Variants in GOLM2 observed in about 807,000 individuals in gnomAD.
The protein encoded by GOLM2 is protein GOLM2.
GOLM2 carries 26 observed loss-of-function variants against 55.9 expected under a neutral mutation model. That is an observed-to-expected ratio of 0.47 (90% CI 0.34 to 0.65). The LOEUF (loss-of-function observed/expected upper bound fraction) is 0.65, where lower values mean the gene tolerates loss of function less well. Among genes scored for constraint, GOLM2 ranks in the 30% least tolerant of loss-of-function variants. The pLI is 0.01. For synonymous variants in GOLM2, 165 were observed against 194.6 expected, an observed-to-expected ratio of 0.85 and a Z score of 1.27; for missense variants, 486 against 531.8, an observed-to-expected ratio of 0.91 and a Z score of 0.85.
intron 4 of GOLM2, among the ~76,000 whole-genome samples, chr15:44,336,809 G>A (rs7177477): frequency 0.13 from 19,181 of 151,934 alleles, 1,533 homozygotes; most frequent in East Asian, 0.29. Context: ...CCAGTTACTC[G>A]GGAGGCTAAG....
chr15:44,340,835 C>T (rs1279897086), intron 6 of GOLM2, among the ~76,000 whole-genome samples: 1 of 152,146 alleles, frequency 6.6e-6, no homozygotes, highest in Non-Finnish European at 1.5e-5. Context: ...GTCCTAGGCA[C>T]AGTTGAGTTT....
intron 6 of GOLM2, among the ~76,000 whole-genome samples, chr15:44,367,537 T>G (rs938586318): frequency 1.3e-5 from 2 of 152,184 alleles, no homozygotes; most frequent in Admixed American, 1.3e-4. Flanking sequence ...GGCTCATGCC[T>G]GTAATCCCAG....
chr15:44,364,423 C>T (rs1275563001), intron 6 of GOLM2, among the ~76,000 whole-genome samples: 2 of 152,114 alleles, frequency 1.3e-5, no homozygotes, highest in African/African-American at 2.4e-5. Flanking sequence ...GTAATCCCAG[C>T]ACTTTGGGAG....
chr15:44,330,120 C>T (rs1234372240), intron 3 of GOLM2, among the ~76,000 whole-genome samples: 3 of 148,092 alleles, frequency 2.0e-5, no homozygotes, highest in Non-Finnish European at 4.5e-5. Flanking sequence ...CCGTATTAGC[C>T]AGGATGGTCT....
intron 9 of GOLM2, among the ~76,000 whole-genome samples, chr15:44,410,833 G>A (rs1256842886): frequency 6.8e-6 from 1 of 146,650 alleles, no homozygotes; most frequent in Non-Finnish European, 1.5e-5. Context: ...GCCCTGGGAA[G>A]TTGAGGCTGC....
At chr15:44,377,241 G>C (rs1424604922) in intron 6 of GOLM2, among the ~76,000 whole-genome samples, 1 of 152,122 alleles carries the variant, frequency 6.6e-6, no homozygotes, top group Non-Finnish European at 1.5e-5. Flanking sequence ...GTGTAGTAGT[G>C]CAAGCCTGTG....
intron 6 of GOLM2, among the ~76,000 whole-genome samples, chr15:44,374,095 A>C (rs1211585759): frequency 6.6e-6 from 1 of 152,070 alleles, no homozygotes. Context: ...AGCAAGACTC[A>C]GTCTCAAAAA....
intron 8 of GOLM2, among the ~76,000 whole-genome samples, chr15:44,390,951 A>G (rs2079483976): frequency 1.3e-5 from 2 of 152,168 alleles, no homozygotes; most frequent in Admixed American, 6.6e-5. Context: ...ATCTCTTAAT[A>G]TCACCACAGT....
intron 6 of GOLM2, among the ~76,000 whole-genome samples, chr15:44,373,013 TC>T (rs1198549469): frequency 6.6e-6 from 1 of 152,184 alleles, no homozygotes; most frequent in Non-Finnish European, 1.5e-5. Flanking sequence ...CTATCACATC[TC>T]CCTGTTTTAA....
intron 1 of GOLM2, among the ~76,000 whole-genome samples, chr15:44,316,138 T>C (rs780949910): frequency 2.0e-5 from 3 of 152,174 alleles, no homozygotes; most frequent in Non-Finnish European, 1.5e-5. Flanking sequence ...TTTCTAGTCA[T>C]GTAATAGTAA....
intron 1 of GOLM2, among the ~76,000 whole-genome samples, chr15:44,302,520 T>C (rs1156579821): frequency 1.3e-5 from 2 of 151,706 alleles, no homozygotes; most frequent in Admixed American, 6.6e-5. Context: ...AGATGGGGTC[T>C]CACTCTGTTG....
At chr15:44,377,436 C>T (rs2079371695) in intron 6 of GOLM2, among the ~76,000 whole-genome samples, 1 of 152,130 alleles carries the variant, frequency 6.6e-6, no homozygotes, top group Non-Finnish European at 1.5e-5. Context: ...AGTGCCGCGG[C>T]CTTGGCTCAT....
At chr15:44,381,039 T>C (rs1015237642) in intron 8 of GOLM2, 63 bp downstream of exon 8, 1 of 956,294 alleles carries the variant, frequency 1.0e-6, no homozygotes, top group East Asian at 3.0e-5. Flanking sequence ...TGAATTAAGG[T>C]CTTCATTATT....
intron 6 of GOLM2, among the ~76,000 whole-genome samples, chr15:44,374,605 C>T (rs1312288031): frequency 6.6e-6 from 1 of 152,138 alleles, no homozygotes; most frequent in East Asian, 1.9e-4. Flanking sequence ...CTGAGGAGGC[C>T]TCAGGACACT....
At chr15:44,345,029 T>C (rs2079114596) in intron 6 of GOLM2, among the ~76,000 whole-genome samples, 1 of 151,540 alleles carries the variant, frequency 6.6e-6, no homozygotes, top group African/African-American at 2.4e-5. Context: ...GCCAGGATGG[T>C]CTCGATCTCC....
At chr15:44,331,651 TTTCTC>T (rs1307645327) in intron 3 of GOLM2, among the ~76,000 whole-genome samples, 3 of 152,204 alleles carry the variant, frequency 2.0e-5, no homozygotes, top group Non-Finnish European at 2.9e-5. Flanking sequence ...GTCTCACAGT[TTTCTC>T]TTCTATAGTA....
At chr15:44,331,335 T>A (rs1013350856) in intron 3 of GOLM2, among the ~76,000 whole-genome samples, 4 of 152,194 alleles carry the variant, frequency 2.6e-5, no homozygotes, top group African/African-American at 9.6e-5. Context: ...GAAGTTTAAT[T>A]TGCATTTTAT....
At chr15:44,365,197 T>C (rs1209239470) in intron 6 of GOLM2, among the ~76,000 whole-genome samples, 1 of 152,158 alleles carries the variant, frequency 6.6e-6, no homozygotes, top group Non-Finnish European at 1.5e-5. Context: ...GAATATTATT[T>C]ACCACTGAAA....
intron 8 of GOLM2, among the ~76,000 whole-genome samples, chr15:44,381,395 G>A (rs1384831854): frequency 6.6e-6 from 1 of 152,170 alleles, no homozygotes; most frequent in African/African-American, 2.4e-5. Context: ...TGCCTTAGTA[G>A]ATTGCTCAAT....
Sources: allele counts gnomAD v4.1 joint callset (sites outside exome capture counted in the v4.1 genomes callset), GRCh38; gene constraint gnomAD v4.1.1; transcripts MANE v1.5; gene names NCBI Gene and HGNC (gene_info 2026-07-23, HGNC 2026-07-21).